Variants in ADGRA3 observed in about 807,000 individuals in gnomAD.
ADGRA3 encodes G-protein coupled receptor 125.
ADGRA3 carries 56 observed loss-of-function variants against 119.8 expected under a neutral mutation model. That is an observed-to-expected ratio of 0.47 (90% CI 0.38 to 0.58). The LOEUF is 0.58. ADGRA3 is among the 20% of genes least tolerant of loss of function. The pLI is 0.00. For synonymous variants in ADGRA3, 607 were observed against 623.8 expected (o/e 0.97, Z 0.40); for missense variants, 1,516 against 1,649.0 (o/e 0.92, Z 1.40).
chr4:22,420,131 T>A (rs1389546547), intron 12 of ADGRA3: 1 of 152,386 alleles, frequency 6.6e-6, no homozygotes, highest in East Asian at 1.9e-4. Flanking sequence ...TTAAAATGAC[T>A]GGAATATTGT....
chr4:22,418,595 GGA>G (rs1419635947), intron 12 of ADGRA3, among the ~76,000 whole-genome samples: 3 of 152,100 alleles, frequency 2.0e-5, no homozygotes, highest in Non-Finnish European at 4.4e-5. Context: ...GAAGTACTGT[GGA>G]GAGAGAGGGA....
intron 2 of ADGRA3, among the ~76,000 whole-genome samples, chr4:22,471,173 A>G (rs1717847993): frequency 6.6e-6 from 1 of 152,160 alleles, no homozygotes; most frequent in Non-Finnish European, 1.5e-5. Context: ...AGCAGCTAAG[A>G]GCCCAGCCTT....
intron 17 of ADGRA3, among the ~76,000 whole-genome samples, chr4:22,389,662 G>A (rs1002916168): frequency 1.3e-5 from 2 of 151,998 alleles, no homozygotes; most frequent in Admixed American, 6.6e-5. Flanking sequence ...GTATCTCATC[G>A]CCAGTCCACT....
chr4:22,448,053 T>C (rs544884653), intron 4 of ADGRA3, among the ~76,000 whole-genome samples: 1 of 152,292 alleles, frequency 6.6e-6, no homozygotes, highest in African/African-American at 2.4e-5. Context: ...ATCAGTTCTC[T>C]AGTCTATCCT....
In ADGRA3 at chr4:22,391,602, A is replaced by G. The variant is rs568728943; in HGVS notation, c.2627+943T>C. On this transcript the variant is annotated intron_variant, in intron 17 of 18. Coordinates refer to ENST00000334304, the MANE Select transcript of ADGRA3 (RefSeq NM_145290.4). ...CTTGTTCTTAGGAATTCTGATTTAT[A>G]CTCCATACTAGAGCCATAGCTATCC... Among the ~76,000 whole-genome samples, 1,193 of 152,030 alleles carry G rather than the reference A, an allele frequency of 7.8e-3. 14 individuals carry two copies. The highest frequency in any genetic ancestry group is 0.027 in the African/African-American group (1,135 of 41,456).
In ADGRA3 at chr4:22,388,753, T is replaced by C. The variant is rs1336547600; in HGVS notation, c.2918A>G (p.Gln973Arg). 4 of 1,614,084 alleles carry C rather than the reference T, an allele frequency of 2.5e-6. No individual in the cohort carries two copies. The highest frequency in any genetic ancestry group is 3.3e-5 in the Admixed American group (2 of 60,020). The change falls in exon 19 of 19, where the codon CAG (glutamine) becomes CGG (arginine). Residue 973 changes from glutamine to arginine, a missense_variant. Gln to Arg is a conservative substitution (Grantham distance 43). Coordinates refer to ENST00000334304, the MANE Select transcript of ADGRA3 (RefSeq NM_145290.4). ...AANENGEINH[Q>R]DSMSLSLIST... is the part of the protein sequence containing the mutation. The stretch of plus-strand genomic sequence containing the variant: ...AATCAGAGACAAAGACATTGAATCC[T>C]GATGATTTATTTCGCCATTTTCATT...
chr4:22,486,235 G>A (rs1004743733), intron 1 of ADGRA3, among the ~76,000 whole-genome samples: 9 of 152,092 alleles, frequency 5.9e-5, no homozygotes, highest in African/African-American at 2.2e-4. Context: ...AATTTTGAAA[G>A]GAAAGGAGAA....
At chr4:22,465,783 A>AATTTAG (rs1717635790) in intron 2 of ADGRA3, among the ~76,000 whole-genome samples, 1 of 152,226 alleles carries the variant, frequency 6.6e-6, no homozygotes, top group African/African-American at 2.4e-5. Context: ...TACTAAAGGA[A>AATTTAG]CCAAGTAAAT....
chr4:22,497,320 T>TA (rs1295942704), intron 1 of ADGRA3, among the ~76,000 whole-genome samples: 2 of 152,078 alleles, frequency 1.3e-5, no homozygotes, highest in African/African-American at 4.8e-5. Flanking sequence ...TATGTGTGTG[T>TA]ATTTGTATAC....
chr4:22,508,413 G>GA (rs1282368212), intron 1 of ADGRA3, among the ~76,000 whole-genome samples: 7 of 152,154 alleles, frequency 4.6e-5, no homozygotes, highest in Admixed American at 4.6e-4. Context: ...CTGACCCTTG[G>GA]ATGAAAGCAT....
chr4:22,509,599 G>A (rs1218828379), intron 1 of ADGRA3, among the ~76,000 whole-genome samples: 1 of 151,646 alleles, frequency 6.6e-6, no homozygotes, highest in Non-Finnish European at 1.5e-5. Flanking sequence ...CTACTCCTCT[G>A]ATGCTAGGAC....
intron 16 of ADGRA3, among the ~76,000 whole-genome samples, chr4:22,398,307 GATCTC>G (rs1335686041): frequency 1.3e-5 from 2 of 151,972 alleles, no homozygotes; most frequent in Non-Finnish European, 2.9e-5. Context: ...TTTTAAATTG[GATCTC>G]AGGTATACAA....
chr4:22,511,891 C>CTTTTT (rs1418515919), intron 1 of ADGRA3, among the ~76,000 whole-genome samples: 6 of 118,046 alleles, frequency 5.1e-5, no homozygotes, highest in African/African-American at 2.2e-4. Flanking sequence ...ATTTTTCTTT[C>CTTTTT]TTTCTTTTTT....
chr4:22,502,143 C>A (rs1394323272), intron 1 of ADGRA3, among the ~76,000 whole-genome samples: 1 of 152,224 alleles, frequency 6.6e-6, no homozygotes, highest in African/African-American at 2.4e-5. Flanking sequence ...TGCAGCCAAG[C>A]TAGCCAGGTA....
At chr4:22,495,736 G>A (rs1160807825) in intron 1 of ADGRA3, among the ~76,000 whole-genome samples, 4 of 151,584 alleles carry the variant, frequency 2.6e-5, no homozygotes, top group East Asian at 1.9e-4. Flanking sequence ...GTGAAACCCC[G>A]TCGCTACTAA....
intron 12 of ADGRA3, among the ~76,000 whole-genome samples, chr4:22,419,833 C>T (rs939166669): frequency 6.6e-6 from 1 of 152,026 alleles, no homozygotes; most frequent in African/African-American, 2.4e-5. Flanking sequence ...GAGTGTGGCA[C>T]AGTGCATCAA....
chr4:22,424,114 G>A (rs1238165739), intron 11 of ADGRA3, 77 bp downstream of exon 11: 9 of 1,243,658 alleles, frequency 7.2e-6, no homozygotes, highest in Non-Finnish European at 9.8e-6. Flanking sequence ...TAATGGAGAA[G>A]ACACCTATCT....
chr4:22,394,078 C>T (rs1367310581), intron 16 of ADGRA3: 2 of 152,194 alleles, frequency 1.3e-5, no homozygotes, highest in East Asian at 3.9e-4. Flanking sequence ...ATCCAGCTTT[C>T]TTAACCAGTA....
At chr4:22,429,413 CA>C (rs947281116) in intron 10 of ADGRA3, among the ~76,000 whole-genome samples, 1 of 152,166 alleles carries the variant, frequency 6.6e-6, no homozygotes, top group African/African-American at 2.4e-5. Flanking sequence ...CAAAGAACAG[CA>C]GAAATCCAAA....
Sources: allele counts gnomAD v4.1 joint callset (sites outside exome capture counted in the v4.1 genomes callset), GRCh38; gene constraint gnomAD v4.1.1; transcripts MANE v1.5; gene names NCBI Gene and HGNC (gene_info 2026-07-23, HGNC 2026-07-21).